The following SNCAIP variants were observed in gnomAD, a reference collection of about 807,000 sequenced individuals.
The protein encoded by SNCAIP is synphilin-1.
A neutral mutation model predicts 86.7 loss-of-function variants in SNCAIP; 43 were observed. The observed-to-expected ratio is 0.50, with a 90% CI of 0.39 to 0.64. The LOEUF (loss-of-function observed/expected upper bound fraction) is 0.64. Among genes scored for constraint, SNCAIP ranks in the 30% least tolerant of loss-of-function variants. The pLI is 0.00. For synonymous variants in SNCAIP, 417 were observed against 427.2 expected, an observed-to-expected ratio of 0.98 and a Z score of 0.29; for missense variants, 981 against 1,103.1, an observed-to-expected ratio of 0.89 and a Z score of 1.57.
chr5:122,370,437 G>A (rs969204784), intron 1 of SNCAIP, among the ~76,000 whole-genome samples: 18 of 152,056 alleles, frequency 1.2e-4, no homozygotes, highest in African/African-American at 4.3e-4. Flanking sequence ...ACTTTAGTGT[G>A]TTCTTACTGA....
chr5:122,423,844 A>G, intron 4 of SNCAIP, 105 bp downstream of exon 4: 1 of 1,059,010 alleles, frequency 9.4e-7, no homozygotes, highest in Admixed American at 2.2e-5. Flanking sequence ...TTTGGTTTTT[A>G]CTTAATCTTT....
chr5:122,440,005 T>C (rs147910303), intron 6 of SNCAIP, among the ~76,000 whole-genome samples: 69 of 152,340 alleles, frequency 4.5e-4, no homozygotes, highest in Non-Finnish European at 8.5e-4. Flanking sequence ...AAGGGAAATC[T>C]TTACCTTAAG....
rs528683250 is a variant in SNCAIP, at chr5:122,366,683, A to G, written c.-46-24406A>G. Among the ~76,000 whole-genome samples the G allele has an allele frequency of 6.6e-5, 10 of 152,258 alleles. No homozygotes were observed. The South Asian group carries it at 1.9e-3, about 28-fold the overall frequency. The stretch of plus-strand genomic sequence containing the variant: ...CACAGAATCTCAGTCTGTGTCATAA[A>G]GTTTCCAGTATGAGTCAGAGATTGA... On this transcript the variant is annotated intron_variant, in intron 1 of 10. Coordinates refer to ENST00000261368, the MANE Select transcript of SNCAIP (RefSeq NM_005460.4).
chr5:122,448,090 ATT>A (rs1162772396), intron 8 of SNCAIP, among the ~76,000 whole-genome samples: 2 of 152,212 alleles, frequency 1.3e-5, no homozygotes, highest in Admixed American at 6.5e-5. Context: ...ATCTCACATA[ATT>A]AGATTTAGCC....
At chr5:122,414,848 C>A (rs1774965094) in intron 3 of SNCAIP, among the ~76,000 whole-genome samples, 1 of 152,146 alleles carries the variant, frequency 6.6e-6, no homozygotes, top group South Asian at 2.1e-4. Flanking sequence ...TCTCTGAGTT[C>A]TCATTTATTT....
At chr5:122,410,148 T>A (rs1773824199) in intron 3 of SNCAIP, among the ~76,000 whole-genome samples, 1 of 152,214 alleles carries the variant, frequency 6.6e-6, no homozygotes, top group Admixed American at 6.5e-5. Context: ...TAACAAAATA[T>A]AATTATAAAG....
At chr5:122,347,889 C>CT (rs1468444316) in intron 1 of SNCAIP, among the ~76,000 whole-genome samples, 1 of 151,930 alleles carries the variant, frequency 6.6e-6, no homozygotes, top group Non-Finnish European at 1.5e-5. Context: ...TAACGATTTT[C>CT]TTTTTAAAAA....
At chr5:122,371,026 G>A (rs1383152193) in intron 1 of SNCAIP, among the ~76,000 whole-genome samples, 1 of 152,032 alleles carries the variant, frequency 6.6e-6, no homozygotes, top group East Asian at 1.9e-4. Context: ...GTTACTTCAG[G>A]CTTGGGGCTG....
intron 10 of SNCAIP, among the ~76,000 whole-genome samples, chr5:122,456,392 A>G (rs1784772718): frequency 6.6e-6 from 1 of 152,174 alleles, no homozygotes; most frequent in South Asian, 2.1e-4. Context: ...AGTAATGGTC[A>G]TCTGCTGTGC....
At position 122,463,524 on chromosome 5, in the gene SNCAIP, C is replaced by A; in HGVS notation, c.*28C>A. The A allele has an allele frequency of 6.2e-7, 1 of 1,609,584 alleles. No individual in the cohort carries two copies. Among genetic ancestry groups the A allele is most frequent in the Non-Finnish European group, 8.5e-7 (1 of 1,176,778 alleles). ...ACATCAATAGAAAAATGAAGAAATC[C>A]TACAGCATAAAGCACATTGCTGAGC... On this transcript the variant is annotated 3_prime_UTR_variant, in exon 11 of 11. Coordinates refer to ENST00000261368, the MANE Select transcript of SNCAIP (RefSeq NM_005460.4).
intron 1 of SNCAIP, among the ~76,000 whole-genome samples, chr5:122,335,255 A>T (rs1198265286): frequency 6.6e-6 from 1 of 152,242 alleles, no homozygotes; most frequent in African/African-American, 2.4e-5. Flanking sequence ...CTCGAAAGAT[A>T]GGCTTTTTGT....
chr5:122,456,929 T>G (rs1284120927), intron 10 of SNCAIP, among the ~76,000 whole-genome samples: 1 of 152,206 alleles, frequency 6.6e-6, no homozygotes, highest in Non-Finnish European at 1.5e-5. Context: ...TTTAGTAAAG[T>G]AGTTGGTGCT....
At chr5:122,338,617 A>C (rs984511105) in intron 1 of SNCAIP, among the ~76,000 whole-genome samples, 15 of 152,354 alleles carry the variant, frequency 9.8e-5, no homozygotes, top group South Asian at 4.1e-4. Context: ...AATGAAATCC[A>C]AATTAAGGAT....
intron 3 of SNCAIP, among the ~76,000 whole-genome samples, chr5:122,405,190 A>G (rs1772705717): frequency 6.6e-6 from 1 of 152,190 alleles, no homozygotes; most frequent in African/African-American, 2.4e-5. Flanking sequence ...TTTGAGTTAG[A>G]GTTCAGGCAC....
At chr5:122,336,299 G>T (rs1371232538) in intron 1 of SNCAIP, among the ~76,000 whole-genome samples, 1 of 152,120 alleles carries the variant, frequency 6.6e-6, no homozygotes. Context: ...TGGCTCTCTT[G>T]TATGGAAGGT....
rs148100092 is a variant in SNCAIP at position 122,423,078 on chromosome 5, G to A, written c.341G>A (p.Gly114Asp). The A allele has an allele frequency of 3.1e-4, 494 of 1,613,982 alleles. 1 individual carries two copies. Among genetic ancestry groups the A allele is most frequent in the Non-Finnish European group, 3.9e-4 (466 of 1,180,012 alleles). ...EYQKGGESDLGPQPQELGPGD... is the reference protein window; with the variant it reads ...EYQKGGESDLDPQPQELGPGD... ...CAGAAAGGGGGTGAGTCTGACCTGG[G>A]CCCCCAGCCTCAGGAGCTTGGCCCT... The change falls in exon 4 of 11, where the codon GGC becomes GAC. Residue 114 changes from glycine to aspartate, a missense_variant. Transcript: ENST00000261368.
At chr5:122,401,249 C>G (rs1004704417) in intron 2 of SNCAIP, 7 of 947,706 alleles carry the variant, frequency 7.4e-6, no homozygotes, top group Middle Eastern at 3.3e-4. Flanking sequence ...GTAAGGGAGA[C>G]TTCTTGGATC....
At chr5:122,396,905 A>T (rs1770736335) in intron 2 of SNCAIP, among the ~76,000 whole-genome samples, 1 of 152,070 alleles carries the variant, frequency 6.6e-6, no homozygotes, top group African/African-American at 2.4e-5. Flanking sequence ...TGTCATTTGT[A>T]ATTTTTGCTT....
In SNCAIP at chr5:122,414,810, A is replaced by G. The variant is rs10477631; in HGVS notation, c.131-8058A>G. On this transcript the variant is annotated intron_variant, in intron 3 of 10. Transcript: ENST00000261368. ...GTCCTAGTTGAGAAGTCAGCATGCT[A>G]TGTCATTTTCCACATTATACTTAAA... 8.0e-3 allele frequency among the ~76,000 whole-genome samples: 1,222 copies of G among 152,330 alleles called. 17 individuals are homozygous for G. Among genetic ancestry groups the G allele is most frequent in the African/African-American group, 0.028 (1,170 of 41,578 alleles).
Sources: allele counts gnomAD v4.1 joint callset (sites outside exome capture counted in the v4.1 genomes callset), GRCh38; gene constraint gnomAD v4.1.1; transcripts MANE v1.5; gene names NCBI Gene and HGNC (gene_info 2026-07-23, HGNC 2026-07-21).